Variants in ENOSF1 observed in about 807,000 individuals in gnomAD.
ENOSF1 encodes the protein enolase superfamily member 1.
A neutral mutation model predicts 68.2 loss-of-function variants in ENOSF1; 73 were observed. The ratio of observed to expected loss-of-function variants is 1.07; its 90% CI spans 0.89 to 1.30. ENOSF1 has a LOEUF of 1.30. ENOSF1 is among the 50% of genes most tolerant of loss of function. The pLI, the probability that ENOSF1 is intolerant of heterozygous loss-of-function variation, is 0.00. For missense variants in ENOSF1, 589 were observed against 554.5 expected (o/e 1.06, Z -0.62); for synonymous variants, 223 against 210.4 (o/e 1.06, Z -0.52).
chr18:687,365 T>C (rs971575185), intron 9 of ENOSF1: 2 of 152,166 alleles, frequency 1.3e-5, no homozygotes, highest in African/African-American at 4.8e-5. Flanking sequence ...TAAGAACGCA[T>C]AGGAATCACT....
intron 7 of ENOSF1, 30 bp downstream of exon 7, chr18:691,038 A>C (rs2077103932): frequency 1.2e-6 from 2 of 1,613,398 alleles, no homozygotes; most frequent in Admixed American, 3.3e-5. Flanking sequence ...TGTTAGCAAA[A>C]ACAATGAAGA....
chr18:693,319 T>A (rs2077392604), intron 5 of ENOSF1: 1 of 1,224,598 alleles, frequency 8.2e-7, no homozygotes, highest in African/African-American at 1.6e-5. Context: ...CTGGATAGTA[T>A]CTTTTCTTTT....
intron 8 of ENOSF1, 150 bp downstream of exon 8, chr18:690,399 A>T (rs1395441368): frequency 3.2e-5 from 26 of 803,504 alleles, no homozygotes; most frequent in Non-Finnish European, 8.2e-6. Flanking sequence ...GTGTCCACAG[A>T]GAAGTGGAGA....
At chr18:691,754 C>T (rs978921103) in intron 5 of ENOSF1, 1 of 155,446 alleles carries the variant, frequency 6.4e-6, no homozygotes, top group East Asian at 1.9e-4. Context: ...TTTAGAGGCT[C>T]CTCACTGCCC....
chr18:688,669 C>T, intron 8 of ENOSF1, 61 bp from the exon 9 acceptor site: 8 of 1,436,024 alleles, frequency 5.6e-6, no homozygotes, highest in Non-Finnish European at 7.9e-6. Flanking sequence ...ACCAGGAAGT[C>T]AGTCATTGCT....
chr18:690,753 C>T, intron 7 of ENOSF1, 122 bp from the exon 8 acceptor site: 1 of 1,218,772 alleles, frequency 8.2e-7, no homozygotes, highest in African/African-American at 1.9e-5. Context: ...GCCCTGCACA[C>T]ACACACCCAG....
intron 2 of ENOSF1, among the ~76,000 whole-genome samples, chr18:700,442 G>C (rs1262478342): frequency 1.3e-5 from 2 of 152,194 alleles, no homozygotes; most frequent in Non-Finnish European, 2.9e-5. Context: ...TCTGGTTCAT[G>C]TCACAATACC....
At chr18:688,678 C>A in intron 8 of ENOSF1, 70 bp from the exon 9 acceptor site, 5 of 1,377,316 alleles carry the variant, frequency 3.6e-6, no homozygotes, top group Non-Finnish European at 5.2e-6. Flanking sequence ...TCAGTCATTG[C>A]TGATCTGTTT....
intron 4 of ENOSF1, 118 bp from the exon 5 acceptor site, chr18:694,026 C>A (rs964699888): frequency 5.1e-6 from 6 of 1,187,600 alleles, no homozygotes; most frequent in Admixed American, 2.0e-5. Context: ...CCCACACCCC[C>A]CTCTACTGCT....
intron 10 of ENOSF1, among the ~76,000 whole-genome samples, chr18:683,901 T>C (rs116155451): frequency 0.021 from 3,267 of 152,218 alleles, 117 homozygotes; most frequent in African/African-American, 0.076. Context: ...ATGGATTTTG[T>C]TCCATTTAAT....
chr18:666,963 AGATGGT>A (rs1179964294), downstream of ENOSF1, among the ~76,000 whole-genome samples: 110 of 15,910 alleles, frequency 6.9e-3, 20 homozygotes, highest in African/African-American at 0.037. Context: ...ATGGAGATGG[AGATGGT>A]GATGGAGATG....
intron 2 of ENOSF1, among the ~76,000 whole-genome samples, chr18:705,946 T>C (rs947683770): frequency 1.3e-5 from 2 of 151,878 alleles, no homozygotes; most frequent in African/African-American, 4.8e-5. Context: ...GAGGCAGAGG[T>C]TGCAGTGAGC....
chr18:696,313 G>A (rs565692691), intron 3 of ENOSF1, among the ~76,000 whole-genome samples: 8 of 146,320 alleles, frequency 5.5e-5, no homozygotes, highest in African/African-American at 2.0e-4. Flanking sequence ...CCAGGTTCAC[G>A]CCGTTCTCCT....
At chr18:686,415 G>A (rs543407717) in intron 9 of ENOSF1, 1 of 172,422 alleles carries the variant, frequency 5.8e-6, no homozygotes, top group Non-Finnish European at 1.2e-5. Flanking sequence ...GGTTTACAAA[G>A]GAGAGCTTTG....
intron 11 of ENOSF1, chr18:682,925 A>C (rs555590414): frequency 2.3e-4 from 53 of 227,964 alleles, no homozygotes; most frequent in Admixed American, 1.2e-3. Context: ...CAAAAAACAA[A>C]AAAAAAAAAT....
In ENOSF1 at chr18:673,059, G is replaced by A. The variant is rs551827317; in HGVS notation, c.*1246C>T. On this transcript the variant is annotated 3_prime_UTR_variant, in exon 16 of 16. Coordinates refer to ENST00000647584, the MANE Select transcript of ENOSF1 (RefSeq NM_017512.7). ...TTTAGGGGTTGGGCTGGATGCCGAGGTAAAAGTTCTTTTTGCTCTAAAAGA... is the reference window on the plus strand; with the variant it reads ...TTTAGGGGTTGGGCTGGATGCCGAGATAAAAGTTCTTTTTGCTCTAAAAGA... The A allele has an allele frequency of 1.4e-6, 2 of 1,431,700 alleles. No individual in the cohort carries two copies. The highest frequency in any genetic ancestry group is 1.9e-6 in the Non-Finnish European group (2 of 1,075,172). The allele number at this position is 1,431,700 out of a possible 1,614,324, so 88.7% of individuals were successfully genotyped here.
At position 670,711 on chromosome 18, in the gene ENOSF1, G is replaced by A. The variant is rs1285151723; in HGVS notation, c.*3594C>T. 3.7e-6 allele frequency: 6 copies of A among 1,614,008 alleles called. No individual in the cohort carries two copies. In the Admixed American group the frequency reaches 1.0e-4, roughly 27 times the overall value. Reference sequence around the variant, plus strand: ...CCTCAGATCTTCCTCTGATGGCGCTGCCTCCATGCCATGCCCTCTGCCAGT... The same window carrying A: ...CCTCAGATCTTCCTCTGATGGCGCTACCTCCATGCCATGCCCTCTGCCAGT... On this transcript the variant is annotated 3_prime_UTR_variant, in exon 16 of 16. Transcript: ENST00000647584.
At chr18:683,999 C>CT (rs56675684) in intron 10 of ENOSF1, among the ~76,000 whole-genome samples, 530 of 144,016 alleles carry the variant, frequency 3.7e-3, no homozygotes, top group Non-Finnish European at 5.4e-3. Context: ...TTTTCTTTTT[C>CT]TTTTTTTTTT....
Position 712,522 on chromosome 18 carries a change from G to T in ENOSF1, c.66C>A (p.Gly22=). Residue 22 remains glycine, a synonymous_variant, in exon 1 of 16, where the codon GGC becomes GGA. Coordinates refer to ENST00000647584, the MANE Select transcript of ENOSF1 (RefSeq NM_017512.7). ...CGCTTACCATGGCGTCCGCGCCGTG[G>T]CCCCCAAGCGACGTGGGGAAGCGCA... is the stretch of plus-strand genomic sequence containing the variant. ...RDVRFPTSLG[G]HGADAMHTDP... 6.5e-7 allele frequency: 1 copy of T among 1,539,084 alleles called. No homozygotes were observed.
Sources: allele counts gnomAD v4.1 joint callset (sites outside exome capture counted in the v4.1 genomes callset), GRCh38; gene constraint gnomAD v4.1.1; transcripts MANE v1.5; gene names NCBI Gene and HGNC (gene_info 2026-07-23, HGNC 2026-07-21).